The following NALCN variants were observed in gnomAD, a reference collection of about 807,000 sequenced individuals.
NALCN encodes sodium leak channel NALCN.
NALCN carries 111 observed loss-of-function variants against 225.3 expected under a neutral mutation model. The ratio of observed to expected loss-of-function variants is 0.49; its 90% confidence interval spans 0.42 to 0.58. The LOEUF (loss-of-function observed/expected upper bound fraction) is 0.58, where lower values mean the gene tolerates loss of function less well. Ranked by LOEUF, NALCN falls within the 20% of genes least tolerant of loss-of-function variation. NALCN has a pLI of 0.00. For missense variants in NALCN, 1,378 were observed against 2,202.4 expected (o/e 0.63, Z 7.49); for synonymous variants, 764 against 769.0 (o/e 0.99, Z 0.11).
chr13:101,183,295 T>C (rs905756114), intron 14 of NALCN, among the ~76,000 whole-genome samples: 2 of 152,228 alleles, frequency 1.3e-5, no homozygotes, highest in Non-Finnish European at 2.9e-5. Flanking sequence ...ACGGTATTGA[T>C]GTAATAAAGG....
At chr13:101,165,678 G>A (rs1470388995) in intron 15 of NALCN, among the ~76,000 whole-genome samples, 1 of 152,196 alleles carries the variant, frequency 6.6e-6, no homozygotes, top group Non-Finnish European at 1.5e-5. Context: ...GTGTTGCCAC[G>A]TTGCGCAGGC....
At chr13:101,095,707 G>A (rs180767531) in intron 27 of NALCN, 27 bp from the exon 28 acceptor site, 5 of 1,546,072 alleles carry the variant, frequency 3.2e-6, no homozygotes, top group Non-Finnish European at 4.4e-6. Flanking sequence ...AGAGGAGAGG[G>A]GAAACCTGGT....
At chr13:101,350,735 T>G (rs1235036121) in intron 6 of NALCN, among the ~76,000 whole-genome samples, 2 of 152,206 alleles carry the variant, frequency 1.3e-5, no homozygotes, top group African/African-American at 2.4e-5. Flanking sequence ...CTTAAATTGA[T>G]AGACTTTGAG....
At chr13:101,258,707 T>A in intron 10 of NALCN, 133 bp from the exon 11 acceptor site, 3 of 1,248,798 alleles carry the variant, frequency 2.4e-6, no homozygotes, top group Non-Finnish European at 3.3e-6. Context: ...GATAAAGCCA[T>A]CCATGTCCCA....
At chr13:101,154,241 A>G (rs867810947) in intron 15 of NALCN, among the ~76,000 whole-genome samples, 18 of 152,328 alleles carry the variant, frequency 1.2e-4, no homozygotes, top group African/African-American at 4.3e-4. Flanking sequence ...CTGAAGTCAC[A>G]TAGCTAGAAG....
At chr13:101,256,005 A>G (rs1594538187) in intron 11 of NALCN, among the ~76,000 whole-genome samples, 1 of 151,682 alleles carries the variant, frequency 6.6e-6, no homozygotes, top group Middle Eastern at 3.4e-3. Flanking sequence ...CCCTGACTCC[A>G]CTCTTCTCTC....
intron 31 of NALCN, 81 bp from the exon 32 acceptor site, chr13:101,083,279 A>G (rs1566794550): frequency 2.4e-5 from 28 of 1,171,064 alleles, no homozygotes; most frequent in Non-Finnish European, 2.9e-5. Flanking sequence ...TTAAATGCTT[A>G]TCTTAAAACC....
intron 9 of NALCN, 140 bp downstream of exon 9, chr13:101,291,850 G>T: frequency 1.2e-6 from 1 of 812,786 alleles, no homozygotes. Context: ...GTGCCTGACT[G>T]GCAACTGTAT....
chr13:101,361,507 A>G (rs1274073414), intron 6 of NALCN, among the ~76,000 whole-genome samples: 1 of 152,242 alleles, frequency 6.6e-6, no homozygotes, highest in Non-Finnish European at 1.5e-5. Flanking sequence ...CATTTTGGAC[A>G]CACATGTTGA....
intron 12 of NALCN, among the ~76,000 whole-genome samples, chr13:101,235,911 G>C (rs1248745875): frequency 6.6e-6 from 1 of 152,058 alleles, no homozygotes; most frequent in Non-Finnish European, 1.5e-5. Context: ...TAATATTTTG[G>C]TATTACTAAT....
At chr13:101,312,334 G>C (rs1371642788) in intron 7 of NALCN, among the ~76,000 whole-genome samples, 1 of 152,066 alleles carries the variant, frequency 6.6e-6, no homozygotes, top group Non-Finnish European at 1.5e-5. Context: ...TTAATTTTTT[G>C]AAAGGTTTTT....
chr13:101,177,409 GTATA>G lies in NALCN; in HGVS notation c.1765-1039_1765-1036del, dbSNP rs10624930. Among the ~76,000 whole-genome samples the G allele has an allele frequency of 4.7e-3, 580 of 124,334 alleles. 19 individuals are homozygous for G. The highest frequency in any genetic ancestry group is 0.014 in the African/African-American group (511 of 36,388). The allele number at this position is 124,334 out of a possible 152,430, so 81.6% of individuals were successfully genotyped here. On this transcript the variant is annotated intron_variant, in intron 14 of 43. Transcript: ENST00000251127. ...AAACACATTATAACAGTAAATACGA[GTATA>G]TATATATATATATATATATGGTAGA... is the stretch of plus-strand genomic sequence containing the variant.
intron 15 of NALCN, among the ~76,000 whole-genome samples, chr13:101,172,139 G>A (rs2038752889): frequency 6.6e-6 from 1 of 152,048 alleles, no homozygotes; most frequent in South Asian, 2.1e-4. Flanking sequence ...TGATGCACAC[G>A]GAGGTTGCAT....
intron 27 of NALCN, among the ~76,000 whole-genome samples, chr13:101,099,040 T>G (rs972833904): frequency 3.6e-5 from 5 of 140,050 alleles, no homozygotes; most frequent in Admixed American, 2.0e-4. Flanking sequence ...TATGAGTGGA[T>G]AATGTAAAAT....
At chr13:101,346,647 A>G (rs748108484) in intron 6 of NALCN, among the ~76,000 whole-genome samples, 8 of 152,096 alleles carry the variant, frequency 5.3e-5, no homozygotes, top group Non-Finnish European at 1.2e-4. Flanking sequence ...GACATAACCC[A>G]TTTTTATCCT....
intron 22 of NALCN, among the ~76,000 whole-genome samples, 163 bp from the exon 23 acceptor site, chr13:101,105,113 G>A (rs902420142): frequency 6.6e-6 from 1 of 152,146 alleles, no homozygotes; most frequent in African/African-American, 2.4e-5. Flanking sequence ...GGAGGTCAGA[G>A]AACATTGATG....
chr13:101,416,505 C>G lies in NALCN; in HGVS notation c.-232G>C, dbSNP rs1424836016. 1 of 151,898 alleles carries G rather than the reference C, an allele frequency of 6.6e-6. No homozygotes were observed. Among genetic ancestry groups the G allele is most frequent in the African/African-American group, 2.4e-5 (1 of 41,422 alleles). The allele number at this position is 151,898 out of a possible 1,614,324, so 9.4% of individuals were successfully genotyped here. ...CGCGGCTCACGCTCGCCGTGTCACT[C>G]ACTGAGCGCCGCCGCCGCCGGGCAG... On this transcript the variant is annotated 5_prime_UTR_variant, in exon 1 of 44. Transcript: ENST00000251127.
chr13:101,311,468 C>T (rs1353589882), intron 7 of NALCN, among the ~76,000 whole-genome samples: 3 of 147,966 alleles, frequency 2.0e-5, no homozygotes, highest in Non-Finnish European at 3.0e-5. Context: ...TCCATTTTTG[C>T]CCATTCAGTA....
chr13:101,370,795 C>T (rs568901142), intron 6 of NALCN, among the ~76,000 whole-genome samples: 66 of 152,210 alleles, frequency 4.3e-4, no homozygotes, highest in Admixed American at 7.8e-4. Flanking sequence ...ACTGCACATA[C>T]GAAAGTGTAC....
Sources: allele counts gnomAD v4.1 joint callset (sites outside exome capture counted in the v4.1 genomes callset), GRCh38; gene constraint gnomAD v4.1.1; transcripts MANE v1.5; gene names NCBI Gene and HGNC (gene_info 2026-07-23, HGNC 2026-07-21).